Variants in SLC12A7 observed in about 807,000 individuals in gnomAD.
The protein encoded by SLC12A7 is solute carrier family 12 member 7, also known as K-Cl cotransporter 4.
Under a neutral mutation model 120.6 loss-of-function variants are expected in SLC12A7, and 100 were observed. The ratio of observed to expected loss-of-function variants is 0.83; its 90% CI spans 0.71 to 0.98. SLC12A7 has a LOEUF of 0.98. SLC12A7 is among the 50% of genes least tolerant of loss of function. SLC12A7 has a pLI of 0.00. For missense variants in SLC12A7, 1,373 were observed against 1,548.1 expected (o/e 0.89, Z 1.90); for synonymous variants, 760 against 678.0 (o/e 1.12, Z -1.88).
At chr5:1,124,236 G>A in the SLC12A7 span, among the ~76,000 whole-genome samples, 2 of 152,160 alleles carry the variant, frequency 1.3e-5, no homozygotes, top group Admixed American at 6.5e-5. Context: ...GCGCCCACAA[G>A]CCAAGAGAAA....
chr5:1,109,804 G>A (rs954897792), intron 1 of SLC12A7, among the ~76,000 whole-genome samples: 7 of 152,226 alleles, frequency 4.6e-5, no homozygotes, highest in African/African-American at 1.2e-4. Flanking sequence ...TTGCTTCGCC[G>A]TCACCCAGGC....
chr5:1,081,569 G>A lies in SLC12A7; in HGVS notation c.1297+8C>T, dbSNP rs775462481. ...AAGAGAAGGGGAAGCCTGGAGCAGC[G>A]GGCTCACCGGTCACGGAAGGGAAGT... On this transcript the variant is annotated splice_region_variant and intron_variant, in intron 9 of 23. Coordinates refer to ENST00000264930, the MANE Select transcript of SLC12A7 (RefSeq NM_006598.3). 1.6e-5 allele frequency: 25 copies of A among 1,595,306 alleles called. No individual in the cohort carries two copies. Among genetic ancestry groups the A allele is most frequent in the Middle Eastern group, 3.3e-4 (2 of 6,042 alleles).
chr5:1,085,507 C>A (rs539067427), intron 6 of SLC12A7, 34 bp from the exon 7 acceptor site: 3 of 1,551,632 alleles, frequency 1.9e-6, no homozygotes, highest in African/African-American at 2.7e-5. Context: ...AGGCCGTCCC[C>A]GGACACAACT....
At chr5:1,063,264 C>T (rs1026613622) in intron 20 of SLC12A7, among the ~76,000 whole-genome samples, 2 of 152,248 alleles carry the variant, frequency 1.3e-5, no homozygotes, top group African/African-American at 4.8e-5. Context: ...CAGTGCCCCT[C>T]TCCCCGGGTC....
chr5:1,149,686 T>C, the SLC12A7 span, among the ~76,000 whole-genome samples: 2 of 152,252 alleles, frequency 1.3e-5, no homozygotes, highest in Non-Finnish European at 2.9e-5. Flanking sequence ...ATTAGGGATG[T>C]GAAGCATCTC....
chr5:1,050,715 C>A lies in SLC12A7; in HGVS notation c.*1645G>T. 2.5e-6 allele frequency: 1 copy of A among 396,502 alleles called. No individual in the cohort carries two copies. Among genetic ancestry groups the A allele is most frequent in the East Asian group, 3.6e-5 (1 of 28,018 alleles). The allele number at this position is 396,502 out of a possible 1,614,324, so 24.6% of individuals were successfully genotyped here. A position where few individuals can be genotyped will look rare whatever the true frequency, so the allele number is the denominator to read the frequency against. On this transcript the variant is annotated 3_prime_UTR_variant, in exon 24 of 24. Transcript: ENST00000264930. ...GGGACACAGGACCTGCCGGCCCCAT[C>A]CAGACATGGAGGAGCGTTTTGCTGC...
intron 22 of SLC12A7, among the ~76,000 whole-genome samples, chr5:1,054,830 G>A (rs1735439962): frequency 6.6e-6 from 1 of 152,236 alleles, no homozygotes; most frequent in Admixed American, 6.5e-5. Context: ...CTCCAGCCTG[G>A]TCTAATTACA....
the SLC12A7 span, among the ~76,000 whole-genome samples, chr5:1,134,996 G>C: frequency 6.6e-6 from 1 of 150,806 alleles, no homozygotes; most frequent in Non-Finnish European, 1.5e-5. Context: ...GTATGGTGGC[G>C]GGGGCCTGTA....
At chr5:1,095,744 CT>C (rs916790745) in intron 1 of SLC12A7, among the ~76,000 whole-genome samples, 2 of 152,240 alleles carry the variant, frequency 1.3e-5, no homozygotes, top group Admixed American at 6.5e-5. Flanking sequence ...GCCACCCTGG[CT>C]GGCTGACAGG....
the SLC12A7 span, among the ~76,000 whole-genome samples, chr5:1,151,046 A>G: frequency 0.19 from 29,478 of 152,206 alleles, 2,976 homozygotes; most frequent in East Asian, 0.28. This position sits in a 1 kb window ranked among gnomAD's most constrained non-coding sequence, Gnocchi z 6.2. Context: ...CGGCCTTGGG[A>G]GCTGGACGGA....
At chr5:1,093,419 T>C (rs1740741635) in intron 3 of SLC12A7, 114 bp downstream of exon 3, 2 of 1,104,482 alleles carry the variant, frequency 1.8e-6, no homozygotes, top group African/African-American at 1.5e-5. Context: ...GACGTGGCCA[T>C]GATACCAGAG....
the SLC12A7 span, among the ~76,000 whole-genome samples, chr5:1,118,971 C>A: frequency 6.6e-6 from 1 of 152,146 alleles, no homozygotes; most frequent in Non-Finnish European, 1.5e-5. Flanking sequence ...CAGAGCCAGA[C>A]CTCCCCAGAG....
rs189776383 is a variant in SLC12A7 at position 1,086,383 on chromosome 5, C to T, written c.675+520G>A. ...CAGAGAAGGGCGGTTCCCGTCCCCA[C>T]GAGGACCAAGGAACTCAGGCCACAG... On this transcript the variant is annotated intron_variant, in intron 6 of 23. Coordinates refer to ENST00000264930, the MANE Select transcript of SLC12A7 (RefSeq NM_006598.3). Among the ~76,000 whole-genome samples the T allele has an allele frequency of 2.1e-4, 32 of 152,304 alleles. No individual in the cohort carries two copies. The East Asian group carries it at 5.8e-3, about 28-fold the overall frequency.
chr5:1,058,378 C>G (rs1735847541), intron 21 of SLC12A7, among the ~76,000 whole-genome samples: 2 of 152,254 alleles, frequency 1.3e-5, no homozygotes, highest in Admixed American at 6.5e-5. Context: ...GCCAGCCTGA[C>G]AGGTAGGCCA....
rs568077465 is a variant in SLC12A7 at position 1,060,582 on chromosome 5, C to A, written c.2740-131G>T. ...GGCCACGCGTCCCGGGCCCCACAGG[C>A]CCCCTCTGGCTCTCAGGCCCCCCGC... On this transcript the variant is annotated intron_variant, in intron 20 of 23. Transcript: ENST00000264930. 1.2e-3 allele frequency: 796 copies of A among 667,028 alleles called. 5 individuals carry two copies. Among genetic ancestry groups the A allele is most frequent in the Non-Finnish European group, 1.8e-3 (701 of 382,438 alleles). 41.3% of individuals were successfully genotyped at this position (667,028 alleles called of 1,614,324 possible).
intron 11 of SLC12A7, among the ~76,000 whole-genome samples, chr5:1,078,295 C>G (rs1325512319): frequency 2.0e-5 from 3 of 152,112 alleles, no homozygotes; most frequent in Non-Finnish European, 2.9e-5. Context: ...AGGGACCACC[C>G]AGGACCCCCG....
intron 3 of SLC12A7, 90 bp downstream of exon 3, chr5:1,093,443 T>C: frequency 7.6e-7 from 1 of 1,322,818 alleles, no homozygotes; most frequent in South Asian, 1.4e-5. Context: ...AGGGCAGCTC[T>C]TCTGACAAGC....
At chr5:1,141,134 C>T in the SLC12A7 span, among the ~76,000 whole-genome samples, 2 of 152,040 alleles carry the variant, frequency 1.3e-5, no homozygotes, top group Admixed American at 6.5e-5. Flanking sequence ...GAGCTGTAGG[C>T]GGGCACCGGT....
Position 1,052,318 on chromosome 5 carries a change from G to A in SLC12A7, c.*42C>T, listed in dbSNP as rs759170780. ...AGCCCAGGCCCAGGCTGCCCACGCC[G>A]TCCTCCGTGCCTGTCCCAGAGTGCC... is the stretch of plus-strand genomic sequence containing the variant. On this transcript the variant is annotated 3_prime_UTR_variant, in exon 24 of 24. Coordinates refer to ENST00000264930, the MANE Select transcript of SLC12A7 (RefSeq NM_006598.3). 34 of 1,549,632 alleles carry A rather than the reference G, an allele frequency of 2.2e-5. No homozygotes were observed. The highest frequency in any genetic ancestry group is 1.7e-4 in the Middle Eastern group (1 of 5,974).
Sources: gnomAD v4.1 joint callset for allele counts (sites outside exome capture counted in the v4.1 genomes callset) on GRCh38, gnomAD v4.1.1 for gene constraint, Gnocchi (gnomAD v3.1) non-coding constraint, MANE v1.5 for transcripts, NCBI Gene and HGNC (gene_info 2026-07-23, HGNC 2026-07-21) for gene names.